NTN4: variants seen among roughly 807,000 people sequenced by gnomAD.
The protein encoded by NTN4 is netrin-4.
Under a neutral mutation model 73.6 loss-of-function variants are expected in NTN4, and 32 were observed. The observed-to-expected ratio is 0.44, with a 90% CI of 0.33 to 0.58. The LOEUF (loss-of-function observed/expected upper bound fraction) is 0.58, where lower values mean the gene tolerates loss of function less well. Among genes scored for constraint, NTN4 ranks in the 20% least tolerant of loss-of-function variants. NTN4 has a pLI of 0.04. For missense variants in NTN4, 654 were observed against 798.3 expected (o/e 0.82, Z 2.18); for synonymous variants, 258 against 287.5 (o/e 0.90, Z 1.04).
At chr12:95,765,056 A>C (rs2079011737) in intron 2 of NTN4, among the ~76,000 whole-genome samples, 2 of 152,246 alleles carry the variant, frequency 1.3e-5, no homozygotes, top group African/African-American at 4.8e-5. Context: ...ATGAATCTGA[A>C]ATACCAACCA....
At position 95,713,346 on chromosome 12, in the gene NTN4, C is replaced by T; in HGVS notation, c.865-8G>A. ...CATACACTTCCCATGGACCTACAAG[C>T]AACATCAAGTGAGAACTATGAGCAC... On this transcript the variant is annotated splice_region_variant and splice_polypyrimidine_tract_variant and intron_variant, in intron 3 of 9. Coordinates refer to ENST00000343702, the MANE Select transcript of NTN4 (RefSeq NM_021229.4). 1 of 1,583,458 alleles carries T rather than the reference C, an allele frequency of 6.3e-7. No individual in the cohort carries two copies. Among genetic ancestry groups the T allele is most frequent in the Non-Finnish European group, 8.6e-7 (1 of 1,157,150 alleles).
At chr12:95,742,775 A>G (rs1401808650) in intron 2 of NTN4, among the ~76,000 whole-genome samples, 1 of 152,210 alleles carries the variant, frequency 6.6e-6, no homozygotes, top group Non-Finnish European at 1.5e-5. Context: ...TCTGGTTCAC[A>G]GCTGTGCTCC....
intron 2 of NTN4, among the ~76,000 whole-genome samples, chr12:95,743,859 G>T (rs1204818791): frequency 1.3e-5 from 2 of 152,072 alleles, no homozygotes; most frequent in Non-Finnish European, 2.9e-5. Flanking sequence ...TTTGCTTCAT[G>T]TATTTTGAAG....
At chr12:95,741,169 C>T (rs150953594) in intron 2 of NTN4, among the ~76,000 whole-genome samples, 40 of 151,762 alleles carry the variant, frequency 2.6e-4, no homozygotes, top group East Asian at 1.7e-3. Context: ...GACAGTAGTC[C>T]GCCCTTATCC....
chr12:95,769,197 A>G (rs76995081), intron 2 of NTN4, among the ~76,000 whole-genome samples: 7,371 of 152,252 alleles, frequency 0.048, 575 homozygotes, highest in African/African-American at 0.17. Context: ...AGTAGAGTTC[A>G]GCTGTCTAGC....
At chr12:95,673,476 G>A (rs894772275) in intron 7 of NTN4, 1 of 173,644 alleles carries the variant, frequency 5.8e-6, no homozygotes, top group Non-Finnish European at 1.2e-5. Context: ...TCTGTAGTCA[G>A]GCCACTGCCT....
intron 5 of NTN4, among the ~76,000 whole-genome samples, chr12:95,687,561 G>A (rs114035112): frequency 0.015 from 2,214 of 151,616 alleles, 52 homozygotes; most frequent in African/African-American, 0.05. Flanking sequence ...CCACCATACC[G>A]GCTATTTTTT....
At chr12:95,753,143 T>C (rs1224500099) in intron 2 of NTN4, among the ~76,000 whole-genome samples, 1 of 152,216 alleles carries the variant, frequency 6.6e-6, no homozygotes, top group African/African-American at 2.4e-5. Flanking sequence ...CTTGATTTAT[T>C]GACGGCAGTT....
intron 7 of NTN4, among the ~76,000 whole-genome samples, chr12:95,670,800 C>T (rs1277550679): frequency 6.7e-6 from 1 of 149,278 alleles, no homozygotes; most frequent in Non-Finnish European, 1.5e-5. Flanking sequence ...TGGGAAAAAA[C>T]TTCTTGGATC....
At position 95,682,675 on chromosome 12, in the gene NTN4, G is replaced by C. The variant is rs77508048; in HGVS notation, c.1510+32C>G. ...ATCACTGTTACATAAGACCAGACCT[G>C]AAAATATGATGCCTGGTTACATCCA... On this transcript the variant is annotated intron_variant, in intron 7 of 9. Transcript: ENST00000343702. 3.2e-3 allele frequency: 4,729 copies of C among 1,478,406 alleles called. 120 individuals carry two copies. In the African/African-American group the frequency reaches 0.058, roughly 18 times the overall value. 91.6% of individuals were successfully genotyped at this position (1,478,406 alleles called of 1,614,324 possible). A position where few individuals can be genotyped will look rare whatever the true frequency, so the allele number is the denominator to read the frequency against.
At chr12:95,731,679 C>T (rs1213870650) in intron 3 of NTN4, among the ~76,000 whole-genome samples, 1 of 152,150 alleles carries the variant, frequency 6.6e-6, no homozygotes, top group Non-Finnish European at 1.5e-5. Flanking sequence ...AACCCAGCCT[C>T]ATCGCCCCTG....
At chr12:95,742,652 T>C in intron 2 of NTN4, among the ~76,000 whole-genome samples, 1 of 152,242 alleles carries the variant, frequency 6.6e-6, no homozygotes, top group East Asian at 1.9e-4. Context: ...GTGGACTCCC[T>C]TGGAACTCGT....
intron 2 of NTN4, among the ~76,000 whole-genome samples, chr12:95,777,734 A>G (rs950956228): frequency 1.2e-4 from 18 of 152,208 alleles, no homozygotes; most frequent in African/African-American, 4.3e-4. Context: ...TTAACACCCC[A>G]CTGTCAACAT....
chr12:95,729,626 AGAGAGAGTGTGT>A lies in NTN4; in HGVS notation c.864+8228_864+8239del, dbSNP rs1487780888. ...GGAATTATTATAAAGAGAGAGAGAG[AGAGAGAGTGTGT>A]GTGTGTGTGTGTGTGTGTGTGTGTG... On this transcript the variant is annotated intron_variant, in intron 3 of 9. Transcript: ENST00000343702. Among the ~76,000 whole-genome samples the A allele has an allele frequency of 1.2e-3, 148 of 122,594 alleles. 1 individual carries two copies. The highest frequency in any genetic ancestry group is 1.2e-3 in the Non-Finnish European group (71 of 59,244). The allele number at this position is 122,594 out of a possible 152,430, so 80.4% of individuals were successfully genotyped here.
intron 5 of NTN4, among the ~76,000 whole-genome samples, chr12:95,700,643 G>A (rs1031662225): frequency 7.2e-5 from 11 of 152,068 alleles, no homozygotes; most frequent in African/African-American, 9.7e-5. Flanking sequence ...GAAACTGGCC[G>A]TGGTGAGAAT....
chr12:95,719,812 C>A (rs926634931), intron 3 of NTN4, among the ~76,000 whole-genome samples: 3 of 152,082 alleles, frequency 2.0e-5, no homozygotes, highest in African/African-American at 7.2e-5. Context: ...GAAAAGGAGG[C>A]CTGAAACCTA....
At chr12:95,762,188 C>T (rs890841120) in intron 2 of NTN4, among the ~76,000 whole-genome samples, 1 of 151,916 alleles carries the variant, frequency 6.6e-6, no homozygotes, top group Non-Finnish European at 1.5e-5. Flanking sequence ...TTTTTTCATT[C>T]AAGAGTCTTT....
intron 7 of NTN4, among the ~76,000 whole-genome samples, chr12:95,680,142 ATTTG>A (rs1248857180): frequency 1.3e-5 from 2 of 152,130 alleles, no homozygotes; most frequent in Non-Finnish European, 2.9e-5. Flanking sequence ...TAAATACTTT[ATTTG>A]TTTATTAGCT....
At position 95,693,694 on chromosome 12, in the gene NTN4, G is replaced by A. The variant is rs558402563; in HGVS notation, c.1181-9983C>T. Among the ~76,000 whole-genome samples, 6 of 145,420 alleles carry A rather than the reference G, an allele frequency of 4.1e-5. No homozygotes were observed. The South Asian group carries it at 1.3e-3, about 32-fold the overall frequency. ...TGCAGTGAGCCGAGATCACGCCACT[G>A]CACTCCAGCCTGGGTGATAGAGCAA... On this transcript the variant is annotated intron_variant, in intron 5 of 9. Coordinates refer to ENST00000343702, the MANE Select transcript of NTN4 (RefSeq NM_021229.4).
Sources: allele counts gnomAD v4.1 joint callset (sites outside exome capture counted in the v4.1 genomes callset), GRCh38; gene constraint gnomAD v4.1.1; transcripts MANE v1.5; gene names NCBI Gene and HGNC (gene_info 2026-07-23, HGNC 2026-07-21).